The following CFAP54 variants were observed in gnomAD, a reference collection of about 807,000 sequenced individuals.
CFAP54 encodes the protein cilia- and flagella-associated protein 54.
Under a neutral mutation model 370.4 loss-of-function variants are expected in CFAP54, and 290 were observed. The ratio of observed to expected loss-of-function variants is 0.78; its 90% CI spans 0.71 to 0.86. The LOEUF (loss-of-function observed/expected upper bound fraction) is 0.86. Ranked by LOEUF, CFAP54 falls within the 40% of genes least tolerant of loss-of-function variation. The pLI, the probability that CFAP54 is intolerant of heterozygous loss-of-function variation, is 0.00. For missense variants in CFAP54, 3,399 were observed against 3,528.7 expected, an observed-to-expected ratio of 0.96 and a Z score of 0.93; for synonymous variants, 1,206 against 1,236.5, an observed-to-expected ratio of 0.98 and a Z score of 0.52.
At chr12:96,530,799 G>A (rs1955434123) in intron 9 of CFAP54, among the ~76,000 whole-genome samples, 1 of 152,216 alleles carries the variant, frequency 6.6e-6, no homozygotes, top group African/African-American at 2.4e-5. Flanking sequence ...CACCAGCAAT[G>A]TGTAAATGAT....
chr12:96,729,062 C>A (rs1374821173), intron 50 of CFAP54, among the ~76,000 whole-genome samples: 1 of 152,144 alleles, frequency 6.6e-6, no homozygotes, highest in Non-Finnish European at 1.5e-5. Context: ...GAGTACCCGG[C>A]CATGTGAGGT....
chr12:96,723,386 G>C (rs766145342), intron 50 of CFAP54, among the ~76,000 whole-genome samples: 1 of 152,106 alleles, frequency 6.6e-6, no homozygotes, highest in Non-Finnish European at 1.5e-5. Flanking sequence ...GGACTGAGAA[G>C]AAGTGACCAG....
intron 2 of CFAP54, 47 bp downstream of exon 2, chr12:96,500,986 AT>A (rs1392392829): frequency 1.1e-5 from 13 of 1,172,412 alleles, no homozygotes; most frequent in Non-Finnish European, 1.5e-5. Flanking sequence ...CATTTGGCTA[AT>A]TATTATTACA....
chr12:96,681,814 A>T (rs1284203422), intron 40 of CFAP54, among the ~76,000 whole-genome samples: 1 of 151,814 alleles, frequency 6.6e-6, no homozygotes, highest in African/African-American at 2.4e-5. Flanking sequence ...GGCCAGGCTG[A>T]TCTCAAACTC....
intron 8 of CFAP54, among the ~76,000 whole-genome samples, chr12:96,523,310 A>C (rs1592830553): frequency 1.3e-5 from 2 of 152,364 alleles, no homozygotes; most frequent in East Asian, 3.9e-4. Context: ...TCACAAAGGC[A>C]GCCGCTGGCA....
intron 60 of CFAP54, among the ~76,000 whole-genome samples, chr12:96,783,386 A>G (rs1385684902): frequency 6.6e-6 from 1 of 152,202 alleles, no homozygotes; most frequent in Non-Finnish European, 1.5e-5. Flanking sequence ...TAGAATATTT[A>G]TCTTCCTTTT....
intron 26 of CFAP54, among the ~76,000 whole-genome samples, chr12:96,618,860 T>A (rs1400492945): frequency 6.6e-6 from 1 of 152,050 alleles, no homozygotes; most frequent in Non-Finnish European, 1.5e-5. Flanking sequence ...GAAATCCAAG[T>A]GATGTTACTG....
intron 40 of CFAP54, among the ~76,000 whole-genome samples, chr12:96,680,597 A>C (rs963992878): frequency 1.4e-4 from 22 of 152,312 alleles, no homozygotes; most frequent in Non-Finnish European, 1.5e-5. Flanking sequence ...TAGAAATTTG[A>C]CCAATTGTTT....
At chr12:96,615,276 T>G (rs569687676) in intron 26 of CFAP54, among the ~76,000 whole-genome samples, 9 of 152,342 alleles carry the variant, frequency 5.9e-5, no homozygotes, top group East Asian at 5.8e-4. Flanking sequence ...ATTCCCTATT[T>G]AATAAATGGT....
chr12:96,569,832 A>G (rs956011639), intron 19 of CFAP54, among the ~76,000 whole-genome samples: 2 of 152,176 alleles, frequency 1.3e-5, no homozygotes, highest in African/African-American at 4.8e-5. Context: ...TTATTTCTTG[A>G]TATCCCCTAA....
chr12:96,754,039 A>AAT (rs1319294469), intron 56 of CFAP54, 141 bp downstream of exon 56: 67 of 671,778 alleles, frequency 1.0e-4, no homozygotes, highest in Non-Finnish European at 1.2e-4. Flanking sequence ...ACACAATGGT[A>AAT]CCTCCACCAA....
chr12:96,860,433 A>G (rs372369288), intron 66 of CFAP54, among the ~76,000 whole-genome samples: 10 of 152,302 alleles, frequency 6.6e-5, no homozygotes, highest in African/African-American at 2.2e-4. Context: ...TGATCTCCAA[A>G]CATAGCTTCC....
intron 50 of CFAP54, among the ~76,000 whole-genome samples, chr12:96,729,323 T>G (rs940193276): frequency 1.3e-5 from 2 of 152,226 alleles, no homozygotes; most frequent in Admixed American, 1.3e-4. Context: ...TGAGCTGTGG[T>G]GGGCTCCACC....
At position 96,637,295 on chromosome 12, in the gene CFAP54, G is replaced by A. The variant is rs906725537; in HGVS notation, c.4316+6644G>A. ...TCACATTTTGTCTATCCATTCATCG[G>A]TTGATAGACTTTTGGATCAGTTGAT... On this transcript the variant is annotated intron_variant, in intron 32 of 67. Coordinates refer to ENST00000524981, the MANE Select transcript of CFAP54 (RefSeq NM_001306084.2). Among the ~76,000 whole-genome samples the A allele has an allele frequency of 2.0e-5, 3 of 152,068 alleles. No individual in the cohort carries two copies. The East Asian group carries it at 5.8e-4, about 29-fold the overall frequency.
chr12:96,637,807 A>G (rs983464489), intron 32 of CFAP54, among the ~76,000 whole-genome samples: 9 of 152,228 alleles, frequency 5.9e-5, no homozygotes, highest in African/African-American at 2.2e-4. Flanking sequence ...TTGATCAATG[A>G]TGGACTGCAT....
chr12:96,507,100 G>A lies in CFAP54; in HGVS notation c.739+1G>A, dbSNP rs773285373. 4 of 1,511,450 alleles carry A rather than the reference G, an allele frequency of 2.6e-6. No homozygotes were observed. The African/African-American group carries it at 4.2e-5, about 16-fold the overall frequency. 93.6% of individuals were successfully genotyped at this position (1,511,450 alleles called of 1,614,324 possible). ...CATCTTTGCTGGATTATCTTCAATG[G>A]TATATGCTGATGTATTTTATTTTCC... On this transcript the variant is annotated splice_donor_variant, in intron 4 of 67. Transcript: ENST00000524981. LOFTEE classifies it high-confidence loss of function.
At chr12:96,606,126 C>T (rs904057270) in intron 26 of CFAP54, among the ~76,000 whole-genome samples, 1 of 152,018 alleles carries the variant, frequency 6.6e-6, no homozygotes, top group African/African-American at 2.4e-5. Context: ...AAAAGAAAAG[C>T]ATTTAAAGGA....
At chr12:96,784,484 T>C (rs1958610153) in intron 60 of CFAP54, among the ~76,000 whole-genome samples, 1 of 151,956 alleles carries the variant, frequency 6.6e-6, no homozygotes, top group African/African-American at 2.4e-5. Flanking sequence ...GCAAAGTGTT[T>C]ACACATTAAA....
chr12:96,617,206 A>G (rs1032503777), intron 26 of CFAP54, among the ~76,000 whole-genome samples: 1 of 152,190 alleles, frequency 6.6e-6, no homozygotes, highest in East Asian at 1.9e-4. Context: ...AACAGATTGA[A>G]TTTTGGAGTC....
Sources: allele counts gnomAD v4.1 joint callset (sites outside exome capture counted in the v4.1 genomes callset), GRCh38; gene constraint gnomAD v4.1.1; transcripts MANE v1.5; gene names NCBI Gene and HGNC (gene_info 2026-07-23, HGNC 2026-07-21).